Variants in CDH9 observed in about 807,000 individuals in gnomAD.
CDH9 encodes cadherin-9.
CDH9 carries 28 observed loss-of-function variants against 70.9 expected under a neutral mutation model. The ratio of observed to expected loss-of-function variants is 0.40; its 90% confidence interval spans 0.29 to 0.54. The LOEUF (loss-of-function observed/expected upper bound fraction) is 0.54, where lower values mean the gene tolerates loss of function less well. CDH9 is among the 20% of genes least tolerant of loss of function. The probability of loss-of-function intolerance (pLI) is 0.59; values close to 1 mark genes in which losing one functional copy is unlikely to be tolerated. For synonymous variants in CDH9, 409 were observed against 343.1 expected (o/e 1.19, Z -2.12); for missense variants, 874 against 984.4 (o/e 0.89, Z 1.50).
At chr5:26,952,634 CAAAAAAA>C (rs35876875) in intron 2 of CDH9, among the ~76,000 whole-genome samples, 1 of 57,832 alleles carries the variant, frequency 1.7e-5, no homozygotes, top group Non-Finnish European at 3.0e-5. Context: ...GACTCCGTCT[CAAAAAAA>C]AAAAAAAAAA....
intron 1 of CDH9, among the ~76,000 whole-genome samples, chr5:26,993,096 C>T (rs953043808): frequency 3.3e-5 from 4 of 120,244 alleles, no homozygotes; most frequent in African/African-American, 9.9e-5. Context: ...GGTGAAACTC[C>T]GTCTCCAAAA....
At chr5:26,974,620 A>C (rs1742274282) in intron 2 of CDH9, among the ~76,000 whole-genome samples, 1 of 152,184 alleles carries the variant, frequency 6.6e-6, no homozygotes, top group South Asian at 2.1e-4. Context: ...TATTTTTATA[A>C]AATACAAAAG....
chr5:27,031,670 A>G (rs1013453347), intron 1 of CDH9, among the ~76,000 whole-genome samples: 2 of 151,934 alleles, frequency 1.3e-5, no homozygotes, highest in Non-Finnish European at 2.9e-5. Flanking sequence ...CCAATGCTTT[A>G]TCTGTCAACT....
Position 26,885,737 on chromosome 5 carries a change from G to A in CDH9, c.1759C>T (p.Arg587Cys). 1.9e-6 allele frequency: 3 copies of A among 1,613,586 alleles called. No individual in the cohort carries two copies. Among genetic ancestry groups the A allele is most frequent in the Non-Finnish European group, 2.5e-6 (3 of 1,179,734 alleles). The change falls in exon 11 of 12, where the codon CGT (arginine) becomes TGT (cysteine). Residue 587 changes from arginine (R) to cysteine (C), a missense_variant. Transcript: ENST00000231021. The stretch of plus-strand genomic sequence containing the variant: ...CCTTGATTATCGCAGGCACACACAC[G>A]GATAGTGAGTGTACCAGTGCTGCTT... ...IQSSTGTLTI[R>C]VCACDNQGNM...
intron 1 of CDH9, among the ~76,000 whole-genome samples, chr5:27,024,490 G>T (rs188313163): frequency 2.0e-5 from 3 of 152,076 alleles, no homozygotes; most frequent in African/African-American, 7.2e-5. Context: ...GTCTAGGCAA[G>T]AAAAACTAAA....
chr5:26,940,077 CAGG>C (rs1741633660), intron 2 of CDH9, among the ~76,000 whole-genome samples: 1 of 150,650 alleles, frequency 6.6e-6, no homozygotes. Context: ...GAGACTGAGG[CAGG>C]AGAACCCAGG....
chr5:26,895,912 A>T (rs150740731), intron 7 of CDH9, among the ~76,000 whole-genome samples: 1 of 152,040 alleles, frequency 6.6e-6, no homozygotes, highest in Non-Finnish European at 1.5e-5. Context: ...TTGTTGAATT[A>T]TTGCTGATTT....
intron 3 of CDH9, among the ~76,000 whole-genome samples, chr5:26,909,500 C>A (rs2111996615): frequency 6.7e-6 from 1 of 149,554 alleles, no homozygotes; most frequent in South Asian, 2.1e-4. Context: ...CATCTCATAT[C>A]AAAGAGGTAA....
At position 26,949,831 on chromosome 5, in the gene CDH9, A is replaced by G. The variant is rs1317535074; in HGVS notation, c.229-33907T>C. 1.6e-4 allele frequency among the ~76,000 whole-genome samples: 24 copies of G among 152,306 alleles called. No individual in the cohort carries two copies. The East Asian group carries it at 4.6e-3, about 29-fold the overall frequency. ...GGCTGGAAATAGGTCATGAGAGAAA[A>G]CAAAACTCTATTTGTATAAATTAAT... On this transcript the variant is annotated intron_variant, in intron 2 of 11. Coordinates refer to ENST00000231021, the MANE Select transcript of CDH9 (RefSeq NM_016279.4).
chr5:26,998,750 C>A (rs997505237), intron 1 of CDH9, among the ~76,000 whole-genome samples: 4 of 151,488 alleles, frequency 2.6e-5, no homozygotes, highest in Admixed American at 6.6e-5. Context: ...AAAAGAAAAT[C>A]AGAGGAAAAG....
At chr5:27,006,808 T>C (rs918948527) in intron 1 of CDH9, among the ~76,000 whole-genome samples, 2 of 152,042 alleles carry the variant, frequency 1.3e-5, no homozygotes, top group African/African-American at 2.4e-5. Flanking sequence ...AATCTATGTA[T>C]TGTTGTCACC....
chr5:26,935,887 G>T (rs1208233557), intron 2 of CDH9, among the ~76,000 whole-genome samples: 2 of 149,426 alleles, frequency 1.3e-5, no homozygotes, highest in African/African-American at 5.0e-5. Context: ...GAATAAAGTG[G>T]CATATATATA....
intron 2 of CDH9, among the ~76,000 whole-genome samples, chr5:26,948,525 C>T (rs925289571): frequency 1.3e-5 from 2 of 152,192 alleles, no homozygotes; most frequent in Non-Finnish European, 2.9e-5. Flanking sequence ...ACATGTGGCA[C>T]TACCACTAGT....
At chr5:26,941,397 C>A (rs180690138) in intron 2 of CDH9, among the ~76,000 whole-genome samples, 3 of 152,276 alleles carry the variant, frequency 2.0e-5, no homozygotes, top group African/African-American at 7.2e-5. Context: ...TTTGTATGCC[C>A]CTTCGGGATG....
At chr5:26,907,904 C>G (rs1740977889) in intron 3 of CDH9, among the ~76,000 whole-genome samples, 1 of 152,068 alleles carries the variant, frequency 6.6e-6, no homozygotes, top group Non-Finnish European at 1.5e-5. Flanking sequence ...AGCCCACATG[C>G]ATTACACACT....
chr5:27,004,840 G>C (rs1185270600), intron 1 of CDH9, among the ~76,000 whole-genome samples: 1 of 152,050 alleles, frequency 6.6e-6, no homozygotes, highest in Non-Finnish European at 1.5e-5. Flanking sequence ...TTGGATAATG[G>C]AGTCTAGAAT....
At chr5:26,987,421 A>G (rs1579496021) in intron 2 of CDH9, among the ~76,000 whole-genome samples, 2 of 151,964 alleles carry the variant, frequency 1.3e-5, no homozygotes, top group East Asian at 3.9e-4. Flanking sequence ...TGGAAAGGTC[A>G]CGCCACTAAA....
chr5:27,016,612 A>G (rs116613205), intron 1 of CDH9, among the ~76,000 whole-genome samples: 2,763 of 151,986 alleles, frequency 0.018, 44 homozygotes, highest in Middle Eastern at 0.044. Flanking sequence ...AATTGGCAGC[A>G]TAATTTTCTC....
At chr5:27,015,479 G>C (rs1278441099) in intron 1 of CDH9, among the ~76,000 whole-genome samples, 1 of 151,568 alleles carries the variant, frequency 6.6e-6, no homozygotes, top group Non-Finnish European at 1.5e-5. Context: ...TTTTTCCTAT[G>C]TATTTAGCAA....
Sources: gnomAD v4.1 joint callset for allele counts (sites outside exome capture counted in the v4.1 genomes callset) on GRCh38, gnomAD v4.1.1 for gene constraint, MANE v1.5 for transcripts, NCBI Gene and HGNC (gene_info 2026-07-23, HGNC 2026-07-21) for gene names.